Variants in BRWD3 observed in about 807,000 individuals in gnomAD.
BRWD3 encodes bromodomain and WD repeat domain containing 3.
Under a neutral mutation model 149.7 loss-of-function variants are expected in BRWD3, and 10 were observed. The observed-to-expected ratio is 0.07, with a 90% CI of 0.04 to 0.11. The LOEUF (loss-of-function observed/expected upper bound fraction) is 0.11. Ranked by LOEUF, BRWD3 falls within the 10% of genes least tolerant of loss-of-function variation. BRWD3 has a pLI of 1.00. For missense variants in BRWD3, 940 were observed against 1,373.2 expected, an observed-to-expected ratio of 0.68 and a Z score of 4.99; for synonymous variants, 504 against 456.7, an observed-to-expected ratio of 1.10 and a Z score of -1.32.
chrX:80,737,890 C>T (rs756179992), intron 8 of BRWD3, among the ~76,000 whole-genome samples: 1 of 112,253 alleles, frequency 8.9e-6, no homozygotes, highest in African/African-American at 3.2e-5. Flanking sequence ...AAATTATGGC[C>T]AACACACCAA....
At chrX:80,719,791 G>T in intron 17 of BRWD3, 135 bp from the exon 18 acceptor site, 2 of 609,159 alleles carry the variant, frequency 3.3e-6, no homozygotes, top group Non-Finnish European at 2.6e-6. Context: ...TATATCAAAT[G>T]AAACATTTGT....
intron 22 of BRWD3, among the ~76,000 whole-genome samples, chrX:80,705,196 G>T (rs1257970597): frequency 9.1e-6 from 1 of 109,863 alleles, no homozygotes. Context: ...AATCCAAGAG[G>T]CAGAGGTTGC....
chrX:80,721,311 A>T (rs992657965), intron 17 of BRWD3, among the ~76,000 whole-genome samples: 1 of 111,797 alleles, frequency 8.9e-6, no homozygotes, highest in African/African-American at 3.2e-5. Flanking sequence ...TTTCTTATTC[A>T]TTTCTTTTCA....
intron 6 of BRWD3, among the ~76,000 whole-genome samples, chrX:80,771,151 G>A (rs10465446): frequency 0.014 from 1,551 of 111,486 alleles, 24 homozygotes; most frequent in East Asian, 0.14. Flanking sequence ...CGAAGAATCA[G>A]TATCGTGAAA....
intron 7 of BRWD3, among the ~76,000 whole-genome samples, chrX:80,744,855 C>T (rs1016425746): frequency 5.4e-5 from 6 of 111,434 alleles, no homozygotes; most frequent in African/African-American, 2.0e-4. Context: ...ACTTATGTGA[C>T]GCATTTAGAG....
chrX:80,726,047 ATGTCTATATAACACAACATGTTTACATGT>A (rs201724205), intron 14 of BRWD3, among the ~76,000 whole-genome samples: 8 of 80,937 alleles, frequency 9.9e-5, no homozygotes, highest in Admixed American at 4.4e-4. Context: ...TTTACATGTT[ATGTCTATATAACACAACATGTTTACATGT>A]TGTCTGTATA....
chrX:80,742,094 A>G (rs1295380681), intron 8 of BRWD3, among the ~76,000 whole-genome samples: 3 of 111,133 alleles, frequency 2.7e-5, no homozygotes, highest in African/African-American at 9.8e-5. Flanking sequence ...TGTATAAGGT[A>G]TAAGGAAGGG....
chrX:80,735,138 G>A lies in BRWD3; in HGVS notation c.974C>T (p.Ser325Phe). 8.3e-7 allele frequency: 1 copy of A among 1,201,636 alleles called. No homozygotes were observed. Among genetic ancestry groups the A allele is most frequent in the Non-Finnish European group, 1.1e-6 (1 of 886,689 alleles). Residue 325 changes from serine (S) to phenylalanine (F), a missense_variant, in exon 10 of 41, where the codon TCT becomes TTT. Physicochemically the swap from Ser to Phe is radical, Grantham distance 155 (BLOSUM62 -2). Around this residue, in one of 6 missense-constraint regions of BRWD3, gnomAD observed 209 missense variants for 396.8 expected, o/e 0.53. Transcript: ENST00000373275. Reference sequence around the variant, plus strand: ...AGTTTTACACATACCAGAACTGAAAGATGAACAAGATATCTGGACTCCAGG... The same window carrying A: ...AGTTTTACACATACCAGAACTGAAAAATGAACAAGATATCTGGACTCCAGG... ...SRPGVQISCSSFSSGGMFITT... is the reference protein window; with the variant it reads ...SRPGVQISCSFFSSGGMFITT...
At chrX:80,683,420 G>A (rs1355715980) in intron 37 of BRWD3, among the ~76,000 whole-genome samples, 1 of 111,286 alleles carries the variant, frequency 9.0e-6, no homozygotes, top group Non-Finnish European at 1.9e-5. Context: ...GGAGGGGGAA[G>A]CAAGTGTAAA....
chrX:80,736,125 T>A, intron 8 of BRWD3, 37 bp from the exon 9 acceptor site: 1 of 904,519 alleles, frequency 1.1e-6, no homozygotes, highest in Non-Finnish European at 1.6e-6. Context: ...ATAAAAAGTT[T>A]TCATGTTCAG....
chrX:80,763,526 G>A (rs1249130368), intron 6 of BRWD3, among the ~76,000 whole-genome samples: 1 of 111,768 alleles, frequency 8.9e-6, no homozygotes, highest in Non-Finnish European at 1.9e-5. Context: ...TAAGAGATTA[G>A]TTCCAGCAAG....
chrX:80,683,353 T>G (rs67429303), intron 37 of BRWD3, among the ~76,000 whole-genome samples: 8,496 of 111,437 alleles, frequency 0.076, 662 homozygotes, highest in African/African-American at 0.23. Flanking sequence ...TTCTTTATAC[T>G]TCTGTGTTTC....
intron 30 of BRWD3, 47 bp from the exon 31 acceptor site, chrX:80,691,220 C>T: frequency 8.6e-7 from 1 of 1,162,262 alleles, no homozygotes; most frequent in Non-Finnish European, 1.2e-6. Flanking sequence ...AGGACATTAA[C>T]ATCTCATGGT....
intron 12 of BRWD3, among the ~76,000 whole-genome samples, chrX:80,730,389 A>AAACGAAAG (rs2073308152): frequency 7.7e-5 from 6 of 77,661 alleles, no homozygotes; most frequent in African/African-American, 3.0e-4. Flanking sequence ...ATTATTTAGC[A>AAACGAAAG]AAAGAAAGAA....
intron 24 of BRWD3, among the ~76,000 whole-genome samples, chrX:80,701,281 CT>C (rs2072783178): frequency 9.1e-6 from 1 of 110,488 alleles, no homozygotes; most frequent in African/African-American, 3.3e-5. Flanking sequence ...GGCACAGTGG[CT>C]CACACCTGTA....
Position 80,710,725 on chromosome X carries a change from T to C in BRWD3, c.2326-1148A>G, listed in dbSNP as rs1412764045. The C allele has an allele frequency of 2.2e-5, 13 of 602,139 alleles. No homozygotes were observed. In the East Asian group the frequency reaches 5.0e-4, roughly 23 times the overall value. 49.6% of individuals were successfully genotyped at this position (602,139 alleles called of 1,213,427 possible). ...GAACATTAAGTGATAAGCCAGCCTA[T>C]GTATGTATTATCAAATATGTAATAA... On this transcript the variant is annotated intron_variant, in intron 20 of 40. Coordinates refer to ENST00000373275, the MANE Select transcript of BRWD3 (RefSeq NM_153252.5).
chrX:80,800,365 G>C (rs2074279847), intron 4 of BRWD3, among the ~76,000 whole-genome samples: 1 of 105,222 alleles, frequency 9.5e-6, no homozygotes, highest in African/African-American at 3.5e-5. Context: ...AAAAAAGTGA[G>C]ATCCCATCTC....
rs771019337 is a variant in BRWD3 at position 80,717,556 on chromosome X, T to C, written c.2231+17A>G. The C allele has an allele frequency of 1.0e-5, 12 of 1,203,335 alleles. No individual in the cohort carries two copies. The Admixed American group carries it at 2.6e-4, about 26-fold the overall frequency. On this transcript the variant is annotated intron_variant, in intron 19 of 40. Coordinates refer to ENST00000373275, the MANE Select transcript of BRWD3 (RefSeq NM_153252.5). ...AAAGCTTTAAATTTTTTTCTAAATGTTACCTTATTGACTCACCTACTAACC... is the reference window on the plus strand; with the variant it reads ...AAAGCTTTAAATTTTTTTCTAAATGCTACCTTATTGACTCACCTACTAACC...
chrX:80,783,775 C>CA (rs778798369), intron 6 of BRWD3, among the ~76,000 whole-genome samples: 1 of 111,469 alleles, frequency 9.0e-6, no homozygotes, highest in Non-Finnish European at 1.9e-5. Context: ...TTTATAACAA[C>CA]ATGGCTAGTA....
Sources: gnomAD v4.1 joint callset for allele counts (sites outside exome capture counted in the v4.1 genomes callset) on GRCh38, gnomAD v4.1.1 for gene constraint, gnomAD v4.1.1 regional missense constraint, MANE v1.5 for transcripts, NCBI Gene and HGNC (gene_info 2026-07-23, HGNC 2026-07-21) for gene names.